Variants in ATRNL1 observed in about 807,000 individuals in gnomAD.
The protein encoded by ATRNL1 is attractin-like protein 1.
In ATRNL1, 95 loss-of-function variants were observed where a neutral mutation model predicts 182.7. That is an observed-to-expected ratio of 0.52 (90% CI 0.44 to 0.62). ATRNL1 has a LOEUF of 0.62. Ranked by LOEUF, ATRNL1 falls within the 20% of genes least tolerant of loss-of-function variation. The pLI is 0.00. For synonymous variants in ATRNL1, 576 were observed against 568.3 expected, an observed-to-expected ratio of 1.01 and a Z score of -0.19; for missense variants, 1,471 against 1,679.5, an observed-to-expected ratio of 0.88 and a Z score of 2.17.
At chr10:115,510,494 G>A (rs782396805) in intron 24 of ATRNL1, among the ~76,000 whole-genome samples, 1 of 152,090 alleles carries the variant, frequency 6.6e-6, no homozygotes, top group East Asian at 1.9e-4. Context: ...AAGAAAACAT[G>A]CTAAAGGCTC....
chr10:115,271,661 C>T (rs1851874240), intron 13 of ATRNL1, among the ~76,000 whole-genome samples: 1 of 152,142 alleles, frequency 6.6e-6, no homozygotes, highest in Non-Finnish European at 1.5e-5. Flanking sequence ...TATATTCTCA[C>T]CTAACCATTT....
intron 10 of ATRNL1, among the ~76,000 whole-genome samples, chr10:115,264,007 T>C (rs980202461): frequency 6.6e-6 from 1 of 151,746 alleles, no homozygotes; most frequent in African/African-American, 2.4e-5. Context: ...GGGGGAGATT[T>C]GTGTTTCCTG....
chr10:115,730,643 C>T (rs2804163), intron 27 of ATRNL1, among the ~76,000 whole-genome samples: 2,558 of 151,874 alleles, frequency 0.017, 34 homozygotes, highest in Middle Eastern at 0.034. Flanking sequence ...GCAGTTGAGG[C>T]GGGAAGAAGT....
intron 28 of ATRNL1, among the ~76,000 whole-genome samples, chr10:115,922,547 G>A (rs1953097419): frequency 6.6e-6 from 1 of 152,092 alleles, no homozygotes; most frequent in African/African-American, 2.4e-5. Context: ...GCTCACTGCA[G>A]CCTCAAACTC....
intron 19 of ATRNL1, among the ~76,000 whole-genome samples, chr10:115,334,995 G>T (rs1855414519): frequency 1.3e-5 from 2 of 151,946 alleles, no homozygotes; most frequent in South Asian, 4.1e-4. Flanking sequence ...TGTTGTAAAG[G>T]TCAAATGAGA....
chr10:115,169,089 T>C (rs1554884965), intron 7 of ATRNL1, among the ~76,000 whole-genome samples: 2 of 151,508 alleles, frequency 1.3e-5, no homozygotes, highest in African/African-American at 4.8e-5. Flanking sequence ...TTTTCTTTTG[T>C]CTTTGAATGG....
chr10:115,801,281 G>C (rs1949786384), intron 27 of ATRNL1, among the ~76,000 whole-genome samples: 1 of 152,100 alleles, frequency 6.6e-6, no homozygotes, highest in East Asian at 1.9e-4. Flanking sequence ...AGTCCACTAG[G>C]AACTACAATC....
At chr10:115,606,050 T>G (rs1856857472) in intron 26 of ATRNL1, among the ~76,000 whole-genome samples, 1 of 146,134 alleles carries the variant, frequency 6.8e-6, no homozygotes, top group Non-Finnish European at 1.5e-5. Flanking sequence ...CTGAGTTTAT[T>G]GTATTCCTAT....
At chr10:115,295,111 A>G (rs1160405599) in intron 15 of ATRNL1, among the ~76,000 whole-genome samples, 1 of 152,086 alleles carries the variant, frequency 6.6e-6, no homozygotes, top group Non-Finnish European at 1.5e-5. Flanking sequence ...TTTCAAGCTT[A>G]AGATGTGAGT....
At chr10:115,232,263 G>T (rs1205727353) in intron 9 of ATRNL1, among the ~76,000 whole-genome samples, 1 of 152,044 alleles carries the variant, frequency 6.6e-6, no homozygotes, top group Non-Finnish European at 1.5e-5. Context: ...AAGGTTTGAT[G>T]TTTTTTCATT....
chr10:115,566,838 G>C (rs1176946383), intron 26 of ATRNL1, among the ~76,000 whole-genome samples: 2 of 152,056 alleles, frequency 1.3e-5, no homozygotes, highest in Admixed American at 1.3e-4. Flanking sequence ...AGTAAAGGAG[G>C]CTAATTGTGG....
chr10:115,328,648 A>T (rs1855044100), intron 18 of ATRNL1, among the ~76,000 whole-genome samples: 1 of 151,844 alleles, frequency 6.6e-6, no homozygotes, highest in Non-Finnish European at 1.5e-5. Flanking sequence ...TCTTTTTTTT[A>T]AAGATACCAT....
At chr10:115,214,004 A>G (rs1554895577) in intron 8 of ATRNL1, among the ~76,000 whole-genome samples, 1 of 151,554 alleles carries the variant, frequency 6.6e-6, no homozygotes, top group Non-Finnish European at 1.5e-5. Context: ...GTTAAGTGAA[A>G]CAGTAGTTGC....
intron 21 of ATRNL1, among the ~76,000 whole-genome samples, chr10:115,447,149 A>C: frequency 6.6e-6 from 1 of 151,830 alleles, no homozygotes; most frequent in Non-Finnish European, 1.5e-5. Context: ...GAAATTTAAA[A>C]TGTGTTAAAA....
At chr10:115,518,171 T>C (rs1850734297) in intron 24 of ATRNL1, among the ~76,000 whole-genome samples, 1 of 151,916 alleles carries the variant, frequency 6.6e-6, no homozygotes, top group African/African-American at 2.4e-5. Flanking sequence ...GGGACAATTA[T>C]AGGATTAATT....
intron 28 of ATRNL1, among the ~76,000 whole-genome samples, chr10:115,927,070 G>A (rs1249070092): frequency 2.0e-5 from 3 of 152,098 alleles, no homozygotes; most frequent in Non-Finnish European, 2.9e-5. Flanking sequence ...TATCCACCAC[G>A]ATCAAGTCAG....
At chr10:115,781,456 A>G (rs1203609132) in intron 27 of ATRNL1, among the ~76,000 whole-genome samples, 3 of 152,236 alleles carry the variant, frequency 2.0e-5, no homozygotes, top group Non-Finnish European at 4.4e-5. Context: ...ATTAAGATAA[A>G]TACATTTTAG....
At chr10:115,491,058 G>A (rs782002891) in intron 24 of ATRNL1, among the ~76,000 whole-genome samples, 39 of 152,228 alleles carry the variant, frequency 2.6e-4, no homozygotes, top group Non-Finnish European at 3.1e-4. Flanking sequence ...TATCACCAGC[G>A]GAGCCAGCAA....
At chr10:115,128,700 G>A (rs563149539) in intron 4 of ATRNL1, among the ~76,000 whole-genome samples, 228 of 152,022 alleles carry the variant, frequency 1.5e-3, no homozygotes, top group African/African-American at 4.1e-3. Flanking sequence ...GGTGGCGGGC[G>A]CCTGTAGTCC....
Sources: gnomAD v4.1 joint callset for allele counts (sites outside exome capture counted in the v4.1 genomes callset) on GRCh38, gnomAD v4.1.1 for gene constraint, MANE v1.5 for transcripts, NCBI Gene and HGNC (gene_info 2026-07-23, HGNC 2026-07-21) for gene names.